Variants in EPB41L1 observed in about 807,000 individuals in gnomAD.
EPB41L1 encodes band 4.1-like protein 1.
Under a neutral mutation model 97.8 loss-of-function variants are expected in EPB41L1, and 29 were observed. The observed-to-expected ratio is 0.30, with a 90% CI of 0.22 to 0.40. The LOEUF (loss-of-function observed/expected upper bound fraction) is 0.40, where lower values mean the gene tolerates loss of function less well. Ranked by LOEUF, EPB41L1 falls within the 10% of genes least tolerant of loss-of-function variation. The probability of loss-of-function intolerance (pLI) is 1.00; values close to 1 mark genes in which losing one functional copy is unlikely to be tolerated. For missense variants in EPB41L1, 812 were observed against 1,162.3 expected (o/e 0.70, Z 4.38); for synonymous variants, 383 against 459.2 (o/e 0.83, Z 2.12).
At position 36,207,367 on chromosome 20, in the gene EPB41L1, G is replaced by T; in HGVS notation, c.1669-2121G>T. Reference sequence around the variant, plus strand: ...ACCTCTGGGGTTTGGGTTCCCTTCAGGGAAGCGAAGGGAGATGACCTCTTT... The same window carrying T: ...ACCTCTGGGGTTTGGGTTCCCTTCATGGAAGCGAAGGGAGATGACCTCTTT... On this transcript the variant is annotated intron_variant, in intron 14 of 21. Transcript: ENST00000338074. This position sits in a 1 kb window ranked among gnomAD's most constrained non-coding sequence, Gnocchi z 4.9. 7.8e-7 allele frequency: 1 copy of T among 1,289,144 alleles called. No homozygotes were observed. Among genetic ancestry groups the T allele is most frequent in the Non-Finnish European group, 1.0e-6 (1 of 988,378 alleles). The allele number at this position is 1,289,144 out of a possible 1,614,324, so 79.9% of individuals were successfully genotyped here.
intron 1 of EPB41L1, among the ~76,000 whole-genome samples, chr20:36,159,123 A>G (rs1235525531): frequency 6.6e-6 from 1 of 152,146 alleles, no homozygotes; most frequent in Non-Finnish European, 1.5e-5. Context: ...AGGAGCTTGG[A>G]GTGGGTAAGG....
rs775395390 is a variant in EPB41L1, at chr20:36,190,579, G to A, written c.1125-43G>A. 6.2e-7 allele frequency: 1 copy of A among 1,612,320 alleles called. No homozygotes were observed. Among genetic ancestry groups the A allele is most frequent in the Non-Finnish European group, 8.5e-7 (1 of 1,179,354 alleles). On this transcript the variant is annotated intron_variant, in intron 10 of 21. Coordinates refer to ENST00000338074, the MANE Select transcript of EPB41L1 (RefSeq NM_012156.2). The surrounding 1 kb of genome is among the most constrained non-coding windows in gnomAD (Gnocchi z 5.8). ...GTGGTCTAACCTTGGGCCTGGCAGT[G>A]CAGGTCTGATTCCTCCTCCTCCCCT...
intron 1 of EPB41L1, chr20:36,155,359 C>T: frequency 5.5e-6 from 2 of 361,538 alleles, no homozygotes; most frequent in South Asian, 4.1e-5. Context: ...CTTGCCTCCC[C>T]TTCCGTCTCC....
At chr20:36,183,986 G>C (rs2061573100) in intron 6 of EPB41L1, among the ~76,000 whole-genome samples, 1 of 152,204 alleles carries the variant, frequency 6.6e-6, no homozygotes, top group Admixed American at 6.5e-5. Flanking sequence ...TGTAATCCCA[G>C]TACTTTGGGA....
rs866294231 is a variant in EPB41L1 at position 36,232,506 on chromosome 20, T to A, written c.*3166T>A. The A allele has an allele frequency of 2.0e-5, 8 of 398,284 alleles. No homozygotes were observed. Among genetic ancestry groups the A allele is most frequent in the African/African-American group, 1.6e-4 (8 of 48,628 alleles). 24.7% of individuals were successfully genotyped at this position (398,284 alleles called of 1,614,324 possible). Reference sequence around the variant, plus strand: ...TTTCTCTTATTTTGTTTTCTCTGGATCTTTTCCATCTGAGGGTACAGGAAG... The same window carrying A: ...TTTCTCTTATTTTGTTTTCTCTGGAACTTTTCCATCTGAGGGTACAGGAAG... On this transcript the variant is annotated 3_prime_UTR_variant, in exon 22 of 22. Transcript: ENST00000338074.
At chr20:36,217,275 T>C (rs1196843136) in intron 17 of EPB41L1, among the ~76,000 whole-genome samples, 1 of 152,130 alleles carries the variant, frequency 6.6e-6, no homozygotes, top group African/African-American at 2.4e-5. Flanking sequence ...ATCTGGGCTA[T>C]AGGTGAAGGG....
chr20:36,092,026 A>C lies in EPB41L1; in HGVS notation c.-65+414A>C, dbSNP rs2057676875. 6.6e-6 allele frequency among the ~76,000 whole-genome samples: 1 copy of C among 152,114 alleles called. No individual in the cohort carries two copies. Among genetic ancestry groups the C allele is most frequent in the African/African-American group, 2.4e-5 (1 of 41,436 alleles). On this transcript the variant is annotated intron_variant, in intron 1 of 19. Transcript: ENST00000202028. The surrounding 1 kb of genome is among the most constrained non-coding windows in gnomAD (Gnocchi z 7.0). ...TGTGGAGGGTGGGCGTCGGGATCCCAGAGCCAGGGACTCAGCCCTTGGAGA... is the reference window on the plus strand; with the variant it reads ...TGTGGAGGGTGGGCGTCGGGATCCCCGAGCCAGGGACTCAGCCCTTGGAGA...
intron 1 of EPB41L1, chr20:36,091,818 G>C (rs1359920417): frequency 1.3e-5 from 2 of 152,258 alleles, no homozygotes; most frequent in Non-Finnish European, 2.9e-5. Context: ...ATAGAAGGCA[G>C]ACACTTCATC....
At position 36,209,623 on chromosome 20, in the gene EPB41L1, G is replaced by A; in HGVS notation, c.1804G>A (p.Glu602Lys). 1 of 1,614,202 alleles carries A rather than the reference G, an allele frequency of 6.2e-7. No individual in the cohort carries two copies. Among genetic ancestry groups the A allele is most frequent in the Non-Finnish European group, 8.5e-7 (1 of 1,180,044 alleles). ...CCTGAAGGACAACCACCTGGCCATT[G>A]AGCGCAAGTGCTCCAGCATCACGGT... The part of the protein sequence containing the change: ...VFLKDNHLAI[E>K]RKCSSITVSS... Residue 602 changes from glutamate to lysine, a missense_variant, in exon 15 of 22, where the codon GAG becomes AAG. By Grantham distance (56) the Glu-to-Lys change is moderately conservative (BLOSUM62 1). Around this residue, in one of 3 missense-constraint regions of EPB41L1, gnomAD observed 498 missense variants for 622.7 expected, o/e 0.80. Transcript: ENST00000338074. The surrounding 1 kb of genome is among the most constrained non-coding windows in gnomAD (Gnocchi z 4.2).
chr20:36,189,612 T>G (rs1171036281), intron 9 of EPB41L1, among the ~76,000 whole-genome samples: 1 of 152,202 alleles, frequency 6.6e-6, no homozygotes, highest in Admixed American at 6.5e-5. Context: ...ATCACCTAGA[T>G]CTAGGTCTAG....
intron 1 of EPB41L1, among the ~76,000 whole-genome samples, chr20:36,104,044 A>G (rs1262935259): frequency 6.6e-6 from 1 of 152,150 alleles, no homozygotes; most frequent in Non-Finnish European, 1.5e-5. Context: ...CGTTCTGAGC[A>G]TTGTGCTGCG....
upstream of EPB41L1, chr20:36,151,556 T>C (rs2060049614): frequency 6.6e-6 from 1 of 152,218 alleles, no homozygotes; most frequent in South Asian, 2.1e-4. Flanking sequence ...TGGTCCTAGG[T>C]TGAGTCCTAT....
intron 2 of EPB41L1, among the ~76,000 whole-genome samples, chr20:36,113,400 CT>C (rs1485652818): frequency 6.7e-6 from 1 of 148,522 alleles, no homozygotes; most frequent in African/African-American, 2.5e-5. Flanking sequence ...CCTAGGGAAA[CT>C]TTCCATTTGT....
At chr20:36,153,364 C>T (rs1351136809), upstream of EPB41L1, among the ~76,000 whole-genome samples, 1 of 152,050 alleles carries the variant, frequency 6.6e-6, no homozygotes, top group East Asian at 1.9e-4. Flanking sequence ...GAGGGAATCG[C>T]ATCAGGGAAG....
At chr20:36,227,911 C>T (rs2064270047) in intron 21 of EPB41L1, among the ~76,000 whole-genome samples, 1 of 152,178 alleles carries the variant, frequency 6.6e-6, no homozygotes, top group African/African-American at 2.4e-5. Context: ...GGACCTGTCT[C>T]CCAAACACCA....
At position 36,182,456 on chromosome 20, in the gene EPB41L1, C is replaced by T. The variant is rs73902992; in HGVS notation, c.566+109C>T. On this transcript the variant is annotated intron_variant, in intron 6 of 21. Coordinates refer to ENST00000338074, the MANE Select transcript of EPB41L1 (RefSeq NM_012156.2). ...ATGTGACAGCAGCTGCAAATGCAGTCGCCTACCGAGGTCAGGCAGACAGCA... is the reference window on the plus strand; with the variant it reads ...ATGTGACAGCAGCTGCAAATGCAGTTGCCTACCGAGGTCAGGCAGACAGCA... 859 of 1,239,010 alleles carry T rather than the reference C, an allele frequency of 6.9e-4. 3 individuals carry two copies. The African/African-American group carries it at 0.011, about 16-fold the overall frequency. The allele number at this position is 1,239,010 out of a possible 1,614,324, so 76.8% of individuals were successfully genotyped here.
At chr20:36,205,493 G>A (rs922538823) in intron 14 of EPB41L1, among the ~76,000 whole-genome samples, 4 of 152,158 alleles carry the variant, frequency 2.6e-5, no homozygotes, top group Admixed American at 1.3e-4. Context: ...CCCCTCTGAC[G>A]GTGGCAGTTA....
rs1569408026 is a variant in EPB41L1, at chr20:36,230,349, AAATTAT to A, written c.*1016_*1021del. 1 of 152,566 alleles carries A rather than the reference AAATTAT, an allele frequency of 6.6e-6. No individual in the cohort carries two copies. Among genetic ancestry groups the A allele is most frequent in the Non-Finnish European group, 1.5e-5 (1 of 68,032 alleles). 9.5% of individuals were successfully genotyped at this position (152,566 alleles called of 1,614,324 possible). On this transcript the variant is annotated 3_prime_UTR_variant, in exon 22 of 22. Coordinates refer to ENST00000338074, the MANE Select transcript of EPB41L1 (RefSeq NM_012156.2). ...TGGTAAGTATGAAGCTGACATTCTA[AAATTAT>A]AATTATCTGACTGTGATTGATGTAT... is the stretch of plus-strand genomic sequence containing the variant.
chr20:36,093,480 CGCCG>C lies in EPB41L1; in HGVS notation c.-65+1869_-65+1872del. Among the ~76,000 whole-genome samples the C allele has an allele frequency of 6.6e-6, 1 of 151,682 alleles. No individual in the cohort carries two copies. Among genetic ancestry groups the C allele is most frequent in the Non-Finnish European group, 1.5e-5 (1 of 67,858 alleles). ...GCGGTGGGGGCGGCGGTCCAGGCGC[CGCCG>C]CCGCTGGGAGCTGGGCACCTGGCCT... On this transcript the variant is annotated intron_variant, in intron 1 of 19. Transcript: ENST00000202028. The surrounding 1 kb of genome is among the most constrained non-coding windows in gnomAD (Gnocchi z 5.4).
Sources: allele counts gnomAD v4.1 joint callset (sites outside exome capture counted in the v4.1 genomes callset), GRCh38; gene constraint gnomAD v4.1.1; regional missense constraint gnomAD v4.1.1; non-coding constraint Gnocchi (gnomAD v3.1); transcripts MANE v1.5; gene names NCBI Gene and HGNC (gene_info 2026-07-23, HGNC 2026-07-21).